B3GLCT: variants seen among roughly 807,000 people sequenced by gnomAD.
B3GLCT encodes beta-1,3-glucosyltransferase.
A neutral mutation model predicts 63.4 loss-of-function variants in B3GLCT; 65 were observed. That is an observed-to-expected ratio of 1.03 (90% CI 0.84 to 1.26). B3GLCT has a LOEUF of 1.26. Ranked by LOEUF, B3GLCT falls within the 50% of genes most tolerant of loss-of-function variation. The pLI is 0.00. For missense variants in B3GLCT, 577 were observed against 604.8 expected (o/e 0.95, Z 0.48); for synonymous variants, 233 against 219.2 (o/e 1.06, Z -0.55).
chr13:31,214,414 G>A lies in B3GLCT; in HGVS notation c.71-637G>A, dbSNP rs553483977. Among the ~76,000 whole-genome samples the A allele has an allele frequency of 2.0e-5, 3 of 152,246 alleles. No individual in the cohort carries two copies. In the South Asian group the frequency reaches 6.2e-4, roughly 32 times the overall value. On this transcript the variant is annotated intron_variant, in intron 1 of 14. Transcript: ENST00000343307. ...ATGCAGAGCCTAAATGTGGCTCTAG[G>A]GATATCTTCGTCTGTGATGGCTCTG...
chr13:31,247,519 TGCCTTG>T (rs1342640067), intron 5 of B3GLCT, among the ~76,000 whole-genome samples: 1 of 152,202 alleles, frequency 6.6e-6, no homozygotes, highest in East Asian at 1.9e-4. Context: ...GTGATCCGTC[TGCCTTG>T]GCCTCCCAAA....
intron 13 of B3GLCT, among the ~76,000 whole-genome samples, chr13:31,320,916 G>C (rs1329388296): frequency 6.6e-6 from 1 of 152,114 alleles, no homozygotes; most frequent in African/African-American, 2.4e-5. Context: ...ATTTACTCTT[G>C]AATGCCTTTA....
intron 13 of B3GLCT, among the ~76,000 whole-genome samples, chr13:31,318,314 A>G (rs1423087870): frequency 6.6e-6 from 1 of 152,094 alleles, no homozygotes; most frequent in Non-Finnish European, 1.5e-5. Context: ...CTCAGTAGAT[A>G]TTTGTTGCAT....
At chr13:31,251,119 G>T (rs1465424270) in intron 6 of B3GLCT, among the ~76,000 whole-genome samples, 1 of 152,112 alleles carries the variant, frequency 6.6e-6, no homozygotes, top group Non-Finnish European at 1.5e-5. Context: ...CTGTAGCAGG[G>T]GACCAGACTG....
intron 6 of B3GLCT, among the ~76,000 whole-genome samples, chr13:31,252,425 A>G (rs372227164): frequency 2.6e-5 from 4 of 152,204 alleles, no homozygotes; most frequent in African/African-American, 9.7e-5. Context: ...CAGACTGGCA[A>G]ATTGGATAAA....
At chr13:31,213,049 T>TGTGTGTGTGTGTGTGCACGCGTGCGC (rs1566042160) in intron 1 of B3GLCT, among the ~76,000 whole-genome samples, 2 of 151,500 alleles carry the variant, frequency 1.3e-5, no homozygotes, top group Non-Finnish European at 2.9e-5. Flanking sequence ...CGCGTGCGCG[T>TGTGTGTGTGTGTGTGCACGCGTGCGC]GTGTGTGTAT....
chr13:31,281,194 G>A lies in B3GLCT; in HGVS notation c.851-3454G>A, dbSNP rs563537664. 2.1e-4 allele frequency among the ~76,000 whole-genome samples: 32 copies of A among 152,214 alleles called. 1 individual carries two copies. In the South Asian group the frequency reaches 6.4e-3, roughly 31 times the overall value. ...CTGCAGTCTCCCTCTAATTAAAGAG[G>A]TTAAATTGCCGTTTGCTCAGCCTTT... On this transcript the variant is annotated intron_variant, in intron 10 of 14. Coordinates refer to ENST00000343307, the MANE Select transcript of B3GLCT (RefSeq NM_194318.4).
intron 8 of B3GLCT, among the ~76,000 whole-genome samples, chr13:31,272,460 C>A (rs1264118868): frequency 6.6e-6 from 1 of 152,028 alleles, no homozygotes; most frequent in Non-Finnish European, 1.5e-5. Flanking sequence ...TTGTGATCTG[C>A]CCACCTTGGC....
chr13:31,212,316 C>T (rs1424921666), intron 1 of B3GLCT, among the ~76,000 whole-genome samples: 1 of 149,398 alleles, frequency 6.7e-6, no homozygotes, highest in Non-Finnish European at 1.5e-5. Flanking sequence ...GCTCTGTCGC[C>T]CAGGCTGGAG....
At chr13:31,289,530 G>T (rs993666353) in intron 12 of B3GLCT, among the ~76,000 whole-genome samples, 40 of 152,050 alleles carry the variant, frequency 2.6e-4, no homozygotes. Flanking sequence ...AAAGCATCAA[G>T]TCATGTATAA....
At chr13:31,218,974 A>G (rs1350756921) in intron 2 of B3GLCT, among the ~76,000 whole-genome samples, 2 of 148,550 alleles carry the variant, frequency 1.3e-5, no homozygotes, top group Non-Finnish European at 3.0e-5. Flanking sequence ...GTGGTTTTTG[A>G]AAAAGCCCTG....
At chr13:31,208,625 C>A (rs1437771284) in intron 1 of B3GLCT, among the ~76,000 whole-genome samples, 27 of 119,264 alleles carry the variant, frequency 2.3e-4, no homozygotes, top group Admixed American at 1.8e-3. Flanking sequence ...AGTGGCCCCC[C>A]CCCCCCGCTC....
chr13:31,236,272 A>G (rs1218440974), intron 4 of B3GLCT, among the ~76,000 whole-genome samples: 1 of 152,172 alleles, frequency 6.6e-6, no homozygotes, highest in Non-Finnish European at 1.5e-5. Flanking sequence ...ATTTCTTTAA[A>G]GTATTTGACT....
intron 7 of B3GLCT, among the ~76,000 whole-genome samples, chr13:31,263,805 C>T (rs938451157): frequency 3.9e-5 from 6 of 152,114 alleles, no homozygotes; most frequent in East Asian, 1.9e-4. Flanking sequence ...GCTTCCATAG[C>T]GGTTTCACAT....
chr13:31,252,325 A>C (rs1427062093), intron 6 of B3GLCT, among the ~76,000 whole-genome samples: 1 of 152,200 alleles, frequency 6.6e-6, no homozygotes, highest in African/African-American at 2.4e-5. Flanking sequence ...GGGCAAAATA[A>C]CCAGCTAGCA....
At chr13:31,217,676 G>A (rs1309028196) in intron 2 of B3GLCT, among the ~76,000 whole-genome samples, 1 of 152,168 alleles carries the variant, frequency 6.6e-6, no homozygotes, top group East Asian at 1.9e-4. Context: ...AATTATCCCA[G>A]CACCATTTAT....
chr13:31,220,201 A>G (rs1869749209), intron 2 of B3GLCT, among the ~76,000 whole-genome samples: 1 of 152,230 alleles, frequency 6.6e-6, no homozygotes, highest in Admixed American at 6.5e-5. Context: ...AAAAGATTCC[A>G]TATAAAATTC....
At chr13:31,292,963 G>A (rs1276263526) in intron 12 of B3GLCT, among the ~76,000 whole-genome samples, 3 of 151,970 alleles carry the variant, frequency 2.0e-5, no homozygotes, top group Admixed American at 1.3e-4. Context: ...TAAATTTCCC[G>A]CTAAACACTG....
intron 12 of B3GLCT, among the ~76,000 whole-genome samples, chr13:31,308,823 GTTCCTGCATAATTT>G (rs796560561): frequency 4.5e-4 from 69 of 152,250 alleles, no homozygotes; most frequent in African/African-American, 1.5e-3. Flanking sequence ...ACTTTCTGTT[GTTCCTGCATAATTT>G]TTCCCTTGTG....
Sources: allele counts gnomAD v4.1 joint callset (sites outside exome capture counted in the v4.1 genomes callset), GRCh38; gene constraint gnomAD v4.1.1; transcripts MANE v1.5; gene names NCBI Gene and HGNC (gene_info 2026-07-23, HGNC 2026-07-21).